KIF27: variants seen among roughly 807,000 people sequenced by gnomAD.
KIF27 encodes the protein kinesin family member 27.
In KIF27, 84 loss-of-function variants were observed where a neutral mutation model predicts 141.8. The ratio of observed to expected loss-of-function variants is 0.59; its 90% CI spans 0.50 to 0.71. The LOEUF (loss-of-function observed/expected upper bound fraction) is 0.71. Ranked by LOEUF, KIF27 falls within the 30% of genes least tolerant of loss-of-function variation. The pLI, the probability that KIF27 is intolerant of heterozygous loss-of-function variation, is 0.00. For missense variants in KIF27, 1,306 were observed against 1,628.4 expected (o/e 0.80, Z 3.41); for synonymous variants, 471 against 569.5 (o/e 0.83, Z 2.46).
At chr9:83,886,197 G>T (rs1213431194) in intron 9 of KIF27, among the ~76,000 whole-genome samples, 1 of 152,106 alleles carries the variant, frequency 6.6e-6, no homozygotes, top group Non-Finnish European at 1.5e-5. Flanking sequence ...GGTACTGCCT[G>T]TGGAAGTTGA....
chr9:83,864,548 A>G (rs1422486518), intron 13 of KIF27, among the ~76,000 whole-genome samples: 3 of 152,208 alleles, frequency 2.0e-5, no homozygotes, highest in Non-Finnish European at 4.4e-5. Context: ...ACAGTTTGTT[A>G]TAATTTCTAT....
chr9:83,860,883 A>ATTTTT (rs10648187), intron 13 of KIF27, among the ~76,000 whole-genome samples: 7 of 142,962 alleles, frequency 4.9e-5, no homozygotes, highest in African/African-American at 1.5e-4. Context: ...TTGATGGGAG[A>ATTTTT]TTTTTTTTTT....
At chr9:83,900,655 C>T (rs374547529) in intron 4 of KIF27, among the ~76,000 whole-genome samples, 25,743 of 150,610 alleles carry the variant, frequency 0.17, 2,731 homozygotes, top group Non-Finnish European at 0.24. Context: ...CAGCACAATT[C>T]GCAATTGCAA....
chr9:83,896,051 C>CAAAAAAAAAAA (rs35504224), intron 5 of KIF27, among the ~76,000 whole-genome samples: 13 of 54,528 alleles, frequency 2.4e-4, no homozygotes, highest in East Asian at 6.4e-4. Context: ...GACTCTGTCT[C>CAAAAAAAAAAA]AAAAAAAAAA....
intron 4 of KIF27, among the ~76,000 whole-genome samples, chr9:83,900,858 G>C (rs1953803579): frequency 6.7e-6 from 1 of 149,712 alleles, no homozygotes; most frequent in African/African-American, 2.5e-5. Flanking sequence ...GGAAGGTCCT[G>C]CTCTACCTAG....
At chr9:83,860,707 T>A (rs1181579629) in intron 13 of KIF27, among the ~76,000 whole-genome samples, 4 of 152,198 alleles carry the variant, frequency 2.6e-5, no homozygotes, top group Non-Finnish European at 5.9e-5. Context: ...GCCTGGAGCA[T>A]CCATCCTCCT....
At chr9:83,896,111 C>A (rs1348203072) in intron 5 of KIF27, among the ~76,000 whole-genome samples, 1 of 148,694 alleles carries the variant, frequency 6.7e-6, no homozygotes, top group African/African-American at 2.5e-5. Flanking sequence ...GGCATGGCAG[C>A]GGGTGCCTGT....
chr9:83,909,829 G>A (rs376645254), intron 2 of KIF27, among the ~76,000 whole-genome samples: 3 of 152,064 alleles, frequency 2.0e-5, no homozygotes, highest in African/African-American at 7.2e-5. Context: ...TGGGGAGGCC[G>A]AGGTGGGTGG....
At position 83,848,093 on chromosome 9, in the gene KIF27, G is replaced by GATATATCTGATATATC. The variant is rs1947626633; in HGVS notation, c.3556+2005_3556+2006insGATATATCAGATATAT. ...ATGATATATGATATATCATATATAT[G>GATATATCTGATATATC]ATATATATGATATCTCATATCTGAT... is the stretch of plus-strand genomic sequence containing the variant. On this transcript the variant is annotated intron_variant, in intron 16 of 17. Coordinates refer to ENST00000297814, the MANE Select transcript of KIF27 (RefSeq NM_017576.4). 1.9e-3 allele frequency among the ~76,000 whole-genome samples: 114 copies of GATATATCTGATATATC among 58,674 alleles called. 29 individuals are homozygous for GATATATCTGATATATC. The highest frequency in any genetic ancestry group is 2.8e-3 in the Non-Finnish European group (93 of 33,618). The allele number at this position is 58,674 out of a possible 152,430, so 38.5% of individuals were successfully genotyped here.
At chr9:83,871,994 G>A (rs1176293298) in intron 11 of KIF27, among the ~76,000 whole-genome samples, 1 of 149,608 alleles carries the variant, frequency 6.7e-6, no homozygotes, top group Non-Finnish European at 1.5e-5. Flanking sequence ...GAGCCACCAC[G>A]CCCAGCCTCC....
chr9:83,850,019 G>A lies in KIF27; in HGVS notation c.3556+80C>T. On this transcript the variant is annotated intron_variant, in intron 16 of 17. Transcript: ENST00000297814. ...CTATTTAAACATGTTGACCTTTTAA[G>A]TGATCAAATTCTGTCCTATCTTCCT... The A allele has an allele frequency of 1.4e-5, 17 of 1,253,468 alleles. No individual in the cohort carries two copies. The South Asian group carries it at 2.2e-4, about 16-fold the overall frequency. 77.6% of individuals were successfully genotyped at this position (1,253,468 alleles called of 1,614,324 possible).
chr9:83,912,095 AGT>A (rs1955228225), intron 2 of KIF27, among the ~76,000 whole-genome samples: 2 of 151,666 alleles, frequency 1.3e-5, no homozygotes, highest in Admixed American at 6.6e-5. Context: ...GTAAAAAAAA[AGT>A]GTATGAGATA....
At position 83,859,145 on chromosome 9, in the gene KIF27, TA is replaced by T. The variant is rs1204539573; in HGVS notation, c.3150+10del. On this transcript the variant is annotated intron_variant, in intron 14 of 17. Transcript: ENST00000297814. Reference sequence around the variant, plus strand: ...ATACAGCACCTCCAGTTCCAAAGAATACTGACTTACTTCAGGTGATAACACT... The same window carrying T: ...ATACAGCACCTCCAGTTCCAAAGAATCTGACTTACTTCAGGTGATAACACT... 1 of 1,575,938 alleles carries T rather than the reference TA, an allele frequency of 6.3e-7. No homozygotes were observed. Among genetic ancestry groups the T allele is most frequent in the African/African-American group, 1.3e-5 (1 of 74,106 alleles).
chr9:83,921,142 C>A (rs969618118), intron 1 of KIF27, among the ~76,000 whole-genome samples: 2 of 152,146 alleles, frequency 1.3e-5, no homozygotes, highest in African/African-American at 4.8e-5. Flanking sequence ...CGCCGGCTCC[C>A]AGCCCCGACC....
At chr9:83,905,398 G>A (rs559578681) in intron 3 of KIF27, among the ~76,000 whole-genome samples, 3 of 152,162 alleles carry the variant, frequency 2.0e-5, no homozygotes, top group Admixed American at 1.3e-4. Context: ...GATTACAGGC[G>A]TGAGCCACCG....
intron 13 of KIF27, among the ~76,000 whole-genome samples, chr9:83,860,729 G>T (rs1200914679): frequency 6.6e-6 from 1 of 152,082 alleles, no homozygotes; most frequent in Non-Finnish European, 1.5e-5. Flanking sequence ...CTCCACACTG[G>T]ACCAGTTGTC....
At chr9:83,852,727 C>T (rs888621185) in intron 15 of KIF27, among the ~76,000 whole-genome samples, 1 of 152,128 alleles carries the variant, frequency 6.6e-6, no homozygotes, top group African/African-American at 2.4e-5. Flanking sequence ...TTCCTGGGCT[C>T]ATGTGATCCT....
chr9:83,901,950 T>A (rs1953948062), intron 4 of KIF27, among the ~76,000 whole-genome samples: 1 of 152,224 alleles, frequency 6.6e-6, no homozygotes, highest in Admixed American at 6.5e-5. Flanking sequence ...ACTGTTAGTT[T>A]TGAATGAATA....
At chr9:83,876,594 T>C (rs12003500) in intron 11 of KIF27, among the ~76,000 whole-genome samples, 24,006 of 152,034 alleles carry the variant, frequency 0.16, 2,080 homozygotes, top group African/African-American at 0.23. Flanking sequence ...CTGTAGGGGC[T>C]CTGAAGAGCC....
Sources: allele counts gnomAD v4.1 joint callset (sites outside exome capture counted in the v4.1 genomes callset), GRCh38; gene constraint gnomAD v4.1.1; transcripts MANE v1.5; gene names NCBI Gene and HGNC (gene_info 2026-07-23, HGNC 2026-07-21).